FBXO10: variants seen among roughly 807,000 people sequenced by gnomAD.
The protein encoded by FBXO10 is F-box only protein 10.
FBXO10 carries 39 observed loss-of-function variants against 80.7 expected under a neutral mutation model. That is an observed-to-expected ratio of 0.48 (90% confidence interval 0.37 to 0.63). FBXO10 has a LOEUF of 0.63. FBXO10 is among the 30% of genes least tolerant of loss of function. FBXO10 has a pLI of 0.00. For synonymous variants in FBXO10, 449 were observed against 489.6 expected, an observed-to-expected ratio of 0.92 and a Z score of 1.09; for missense variants, 1,025 against 1,269.0, an observed-to-expected ratio of 0.81 and a Z score of 2.92.
At position 37,518,248 on chromosome 9, in the gene FBXO10, A is replaced by G; in HGVS notation, c.2391T>C (p.Asn797=). 6.2e-7 allele frequency: 1 copy of G among 1,614,008 alleles called. No homozygotes were observed. The highest frequency in any genetic ancestry group is 8.5e-7 in the Non-Finnish European group (1 of 1,179,882). ...EAQCKVELRG[N]GIYDNRGHGI... Reference sequence around the variant, plus strand: ...CGTGGCCTCTGTTGTCATAGATACCATTGCCCCGGAGCTCCACTTTGCACT... The same window carrying G: ...CGTGGCCTCTGTTGTCATAGATACCGTTGCCCCGGAGCTCCACTTTGCACT... The change falls in exon 9 of 11, where the codon AAT becomes AAC. Residue 797 remains asparagine (N), a synonymous_variant. Transcript: ENST00000432825.
intron 5 of FBXO10, among the ~76,000 whole-genome samples, chr9:37,528,253 C>A (rs183960023): frequency 6.0e-4 from 91 of 152,306 alleles, no homozygotes; most frequent in African/African-American, 2.2e-3. Flanking sequence ...CATTCCTTTC[C>A]ACTCTGCTGT....
At chr9:37,536,181 T>C (rs1369014748) in intron 3 of FBXO10, 1 of 152,246 alleles carries the variant, frequency 6.6e-6, no homozygotes, top group Non-Finnish European at 1.5e-5. Context: ...GTGACCTTTG[T>C]ACAATGTTCT....
chr9:37,521,345 A>C (rs373698157), intron 8 of FBXO10, among the ~76,000 whole-genome samples: 1 of 148,862 alleles, frequency 6.7e-6, no homozygotes, highest in Non-Finnish European at 1.5e-5. Context: ...TGGCCCCCAC[A>C]CTGTCTGGGA....
Position 37,537,362 on chromosome 9 carries a change from A to T in FBXO10, c.1167T>A (p.Phe389Leu). The T allele has an allele frequency of 6.3e-7, 1 of 1,599,522 alleles. No individual in the cohort carries two copies. The highest frequency in any genetic ancestry group is 1.1e-5 in the South Asian group (1 of 89,580). Reference protein sequence around the residue: ...QGPRPVLGGSFLGPPLPGASI... With the variant: ...QGPRPVLGGSLLGPPLPGASI... The stretch of plus-strand genomic sequence containing the variant: ...ATGCTCCTGGTAGAGGTGGGCCCAG[A>T]AATGAGCCCCCCAATACAGGGCGTG... The change falls in exon 3 of 11, where the codon TTT becomes TTA. Residue 389 changes from phenylalanine to leucine, a missense_variant. Physicochemically the swap from Phe to Leu is conservative, Grantham distance 22. Around this residue, in one of 3 missense-constraint regions of FBXO10, gnomAD observed 450 missense variants for 499.4 expected, o/e 0.90. Coordinates refer to ENST00000432825, the MANE Select transcript of FBXO10 (RefSeq NM_012166.3).
At chr9:37,567,455 T>C (rs896793822) in intron 1 of FBXO10, among the ~76,000 whole-genome samples, 8 of 151,524 alleles carry the variant, frequency 5.3e-5, no homozygotes, top group African/African-American at 1.9e-4. Context: ...TTACATATCG[T>C]CTTAATGAGC....
intron 1 of FBXO10, among the ~76,000 whole-genome samples, chr9:37,549,331 AAC>A (rs1822132359): frequency 6.6e-6 from 1 of 152,224 alleles, no homozygotes; most frequent in African/African-American, 2.4e-5. Context: ...TGTGAAACAA[AAC>A]ACAGAGCACA....
At chr9:37,522,365 TTATTA>T (rs1362371403) in intron 7 of FBXO10, 1 of 1,000,936 alleles carries the variant, frequency 1.0e-6, no homozygotes, top group Middle Eastern at 5.1e-4. Context: ...GTCATCTTTA[TTATTA>T]TCACTGTATT....
chr9:37,569,099 T>G (rs1040255926), intron 1 of FBXO10, among the ~76,000 whole-genome samples: 1 of 152,070 alleles, frequency 6.6e-6, no homozygotes, highest in Non-Finnish European at 1.5e-5. Context: ...ACTTTAAAAC[T>G]TCCTTATAAG....
Position 37,541,512 on chromosome 9 carries a change from G to A in FBXO10, c.257C>T (p.Thr86Ile), listed in dbSNP as rs1821917966. The change falls in exon 2 of 11, where the codon ACC becomes ATC. Residue 86 changes from threonine to isoleucine, a missense_variant. This residue lies in a region of FBXO10 where 450 missense variants were observed against 499.4 expected (regional missense o/e 0.90). Transcript: ENST00000432825. ...AGACTCCAAGTCCAAGGCATTCTTG[G>A]TCCATGTCTTGGATGCAAGGTAATG... ...KQHYLASKTWTKNALDLESSI... is the reference protein window; with the variant it reads ...KQHYLASKTWIKNALDLESSI... 1 of 1,613,964 alleles carries A rather than the reference G, an allele frequency of 6.2e-7. No homozygotes were observed. Among genetic ancestry groups the A allele is most frequent in the South Asian group, 1.1e-5 (1 of 91,078 alleles).
chr9:37,566,739 T>C (rs1037168958), intron 1 of FBXO10, among the ~76,000 whole-genome samples: 2 of 152,200 alleles, frequency 1.3e-5, no homozygotes, highest in Non-Finnish European at 2.9e-5. Context: ...TACACACACC[T>C]ACACACACCA....
intron 1 of FBXO10, among the ~76,000 whole-genome samples, chr9:37,545,399 G>A (rs529556198): frequency 2.0e-3 from 305 of 152,038 alleles, no homozygotes; most frequent in Middle Eastern, 0.01. Flanking sequence ...GGCTGGTGTC[G>A]AACTCCTAAC....
chr9:37,522,375 T>C (rs11789074), intron 7 of FBXO10: 61,814 of 1,001,482 alleles, frequency 0.062, 2,177 homozygotes, highest in Non-Finnish European at 0.068. Flanking sequence ...TTATTATCAC[T>C]GTATTATTAG....
At chr9:37,554,155 A>G (rs1822279659) in intron 1 of FBXO10, among the ~76,000 whole-genome samples, 1 of 152,196 alleles carries the variant, frequency 6.6e-6, no homozygotes, top group African/African-American at 2.4e-5. Context: ...ACCAGTAAAG[A>G]CGGTGAACAG....
intron 1 of FBXO10, among the ~76,000 whole-genome samples, chr9:37,571,714 C>CATATACATATATATATAT (rs1822761071): frequency 1.1e-5 from 1 of 93,158 alleles, no homozygotes; most frequent in African/African-American, 5.4e-5. Context: ...AAAAGAGAGC[C>CATATACATATATATATAT]ATATATATAT....
chr9:37,519,407 GA>G (rs1426052795), intron 8 of FBXO10, among the ~76,000 whole-genome samples: 4 of 152,184 alleles, frequency 2.6e-5, no homozygotes, highest in African/African-American at 9.6e-5. Context: ...GTCAGGAAAA[GA>G]AAGCAGGGCA....
At chr9:37,574,779 C>T (rs1195882273) in intron 1 of FBXO10, among the ~76,000 whole-genome samples, 1 of 152,150 alleles carries the variant, frequency 6.6e-6, no homozygotes, top group Non-Finnish European at 1.5e-5. Flanking sequence ...ATATATAAAA[C>T]ATTATATAAC....
intron 1 of FBXO10, among the ~76,000 whole-genome samples, chr9:37,568,645 G>A (rs938757827): frequency 7.2e-5 from 11 of 152,198 alleles, no homozygotes; most frequent in Non-Finnish European, 1.2e-4. Flanking sequence ...TCTACCCTAA[G>A]GTGGAAAAAG....
chr9:37,529,049 TA>T, intron 5 of FBXO10, 74 bp downstream of exon 5: 1 of 1,583,222 alleles, frequency 6.3e-7, no homozygotes, highest in South Asian at 1.1e-5. Context: ...GTTGTTTCCG[TA>T]AAGAGTGTTT....
chr9:37,534,749 G>C (rs891391314), intron 3 of FBXO10, among the ~76,000 whole-genome samples: 1 of 152,178 alleles, frequency 6.6e-6, no homozygotes, highest in African/African-American at 2.4e-5. Flanking sequence ...GAGGCATTAA[G>C]CCCCTCTCCT....
Sources: gnomAD v4.1 joint callset for allele counts (sites outside exome capture counted in the v4.1 genomes callset) on GRCh38, gnomAD v4.1.1 for gene constraint, gnomAD v4.1.1 regional missense constraint, MANE v1.5 for transcripts, NCBI Gene and HGNC (gene_info 2026-07-23, HGNC 2026-07-21) for gene names.